The following TDRD1 variants were observed in gnomAD, a reference collection of about 807,000 sequenced individuals.
TDRD1 encodes the protein tudor domain containing 1.
In TDRD1, 37 loss-of-function variants were observed where a neutral mutation model predicts 140.6. The ratio of observed to expected loss-of-function variants is 0.26; its 90% CI spans 0.20 to 0.35. The LOEUF is 0.35. Among genes scored for constraint, TDRD1 ranks in the 10% least tolerant of loss-of-function variants. The pLI is 1.00. For synonymous variants in TDRD1, 506 were observed against 475.7 expected (o/e 1.06, Z -0.83); for missense variants, 1,243 against 1,393.0 (o/e 0.89, Z 1.71).
intron 2 of TDRD1, 124 bp from the exon 3 acceptor site, chr10:114,190,837 G>A: frequency 1.1e-6 from 1 of 878,774 alleles, no homozygotes; most frequent in Non-Finnish European, 1.8e-6. Flanking sequence ...ATGTTCTGGT[G>A]TAGCTATAAG....
rs183780213 is a variant in TDRD1, at chr10:114,227,814, C to T, written c.3404-96C>T. 8,009 of 937,096 alleles carry T rather than the reference C, an allele frequency of 8.5e-3. 71 individuals carry two copies. Among genetic ancestry groups the T allele is most frequent in the Non-Finnish European group, 0.011 (6,431 of 586,496 alleles). 58.0% of individuals were successfully genotyped at this position (937,096 alleles called of 1,614,324 possible). A position where few individuals can be genotyped will look rare whatever the true frequency, so the allele number is the denominator to read the frequency against. ...CAGGTCTTTGTAGTCGGAACCCATG[C>T]GCAAGGGGGAGAGCTATCTGTATAT... is the stretch of plus-strand genomic sequence containing the variant. On this transcript the variant is annotated intron_variant, in intron 23 of 25. Coordinates refer to ENST00000251864, the Ensembl canonical transcript of TDRD1.
At chr10:114,192,751 A>G (rs149959913) in intron 3 of TDRD1, among the ~76,000 whole-genome samples, 6 of 152,272 alleles carry the variant, frequency 3.9e-5, no homozygotes, top group East Asian at 1.9e-4. Flanking sequence ...CCAAAATTCA[A>G]TTGGACATAT....
At chr10:114,176,221 TACA>T (rs948677007), upstream of TDRD1, among the ~76,000 whole-genome samples, 14 of 150,654 alleles carry the variant, frequency 9.3e-5, no homozygotes, top group Non-Finnish European at 1.9e-4. This position sits in a 1 kb window ranked among gnomAD's most constrained non-coding sequence, Gnocchi z 4.2. Context: ...TCTGAAATGC[TACA>T]ATAGAGAAGC....
At chr10:114,214,738 T>C (rs1379332343) in intron 16 of TDRD1, among the ~76,000 whole-genome samples, 3 of 140,266 alleles carry the variant, frequency 2.1e-5, no homozygotes, top group African/African-American at 7.8e-5. Flanking sequence ...TCTTTCTTTC[T>C]TTTTTTTTTT....
chr10:114,177,564 A>G (rs1206961873), upstream of TDRD1, among the ~76,000 whole-genome samples: 1 of 152,232 alleles, frequency 6.6e-6, no homozygotes. Flanking sequence ...ACAAAGTCTA[A>G]GGAAGTCCCA....
chr10:114,210,621 C>T, exon 12 of TDRD1: 1 of 1,606,284 alleles, frequency 6.2e-7, no homozygotes, highest in Non-Finnish European at 8.5e-7. Context: ...CTGAAAACAA[C>T]ATTGTCGTAG....
At chr10:114,202,344 G>C in intron 6 of TDRD1, 46 bp downstream of exon 6, 1 of 1,276,396 alleles carries the variant, frequency 7.8e-7, no homozygotes, top group Non-Finnish European at 1.1e-6. Context: ...CCTCTTTATT[G>C]AATTAAGATG....
At chr10:114,190,319 T>C (rs1324477596) in intron 2 of TDRD1, among the ~76,000 whole-genome samples, 2 of 152,212 alleles carry the variant, frequency 1.3e-5, no homozygotes, top group African/African-American at 2.4e-5. Context: ...ACAGTAAATA[T>C]TGATTGAAAT....
chr10:114,191,935 T>G (rs1002474799), intron 3 of TDRD1, among the ~76,000 whole-genome samples: 2 of 152,224 alleles, frequency 1.3e-5, no homozygotes, highest in African/African-American at 4.8e-5. Context: ...TAGTACTATC[T>G]CATTGTGGTT....
rs556757844 is a variant in TDRD1 at position 114,212,879 on chromosome 10, G to A, written c.1832-467G>A. ...CTTACTGAGTTGTACAAACATCACC[G>A]TAATCTGATTTAGAACATTTCCATC... is the stretch of plus-strand genomic sequence containing the variant. On this transcript the variant is annotated intron_variant, in intron 14 of 25. Transcript: ENST00000251864. Among the ~76,000 whole-genome samples, 18 of 152,200 alleles carry A rather than the reference G, an allele frequency of 1.2e-4. No individual in the cohort carries two copies. In the East Asian group the frequency reaches 1.9e-3, roughly 16 times the overall value.
At chr10:114,203,681 C>A in intron 8 of TDRD1, 114 bp downstream of exon 8, 1 of 912,528 alleles carries the variant, frequency 1.1e-6, no homozygotes, top group Non-Finnish European at 1.6e-6. Context: ...CCTCTGATCA[C>A]GCTTCTATTC....
rs531413206 is a variant in TDRD1, at chr10:114,224,084, G to C, written c.3007+1381G>C. The stretch of plus-strand genomic sequence containing the variant: ...CCTTTTGATTTACTCCAGTATTTGG[G>C]TGGATCCTGTCCTCCAGAAGCTGAG... On this transcript the variant is annotated intron_variant, in intron 21 of 25. Transcript: ENST00000251864. 3.3e-5 allele frequency among the ~76,000 whole-genome samples: 5 copies of C among 152,246 alleles called. No individual in the cohort carries two copies. The East Asian group carries it at 9.6e-4, about 29-fold the overall frequency.
intron 1 of TDRD1, among the ~76,000 whole-genome samples, chr10:114,183,386 C>A (rs974969262): frequency 1.3e-5 from 2 of 152,126 alleles, no homozygotes; most frequent in African/African-American, 4.8e-5. Flanking sequence ...GATGATACTT[C>A]AGTCTTAAAA....
chr10:114,223,685 C>T (rs1406686066), intron 21 of TDRD1, among the ~76,000 whole-genome samples: 3 of 152,244 alleles, frequency 2.0e-5, no homozygotes, highest in Non-Finnish European at 4.4e-5. Flanking sequence ...ATTAGGACTG[C>T]ATAAGCACTG....
At chr10:114,198,972 C>T (rs1317310607) in intron 3 of TDRD1, among the ~76,000 whole-genome samples, 1 of 152,196 alleles carries the variant, frequency 6.6e-6, no homozygotes. Context: ...CTCCAGGTTC[C>T]CAGTCAGCCC....
intron 11 of TDRD1, 61 bp from the exon 12 acceptor site, chr10:114,210,519 TA>T (rs777163012): frequency 1.2e-5 from 17 of 1,439,228 alleles, no homozygotes; most frequent in African/African-American, 2.9e-5. Flanking sequence ...AAAGCGTGCA[TA>T]ATTTTTTTTT....
intron 25 of TDRD1, among the ~76,000 whole-genome samples, chr10:114,229,052 G>A (rs1291109178): frequency 2.0e-5 from 3 of 151,738 alleles, no homozygotes; most frequent in African/African-American, 7.3e-5. Flanking sequence ...TTATACTCCA[G>A]CCTGGGTGAC....
rs1021180389 is a variant in TDRD1 at position 114,228,120 on chromosome 10, T to G, written c.3533T>G (p.Leu1178Ter). Residue 1178 changes from leucine to a stop codon, truncating the protein, a stop_gained, in exon 25 of 26, where the codon TTA becomes TGA. Coordinates refer to ENST00000251864, the Ensembl canonical transcript of TDRD1. LOFTEE classifies it high-confidence loss of function. ...AAATTTATTGAAATGAAAAAACTGT[T>G]AAAAAGTTAAGTAAGTTAAATCGTA... 4.4e-6 allele frequency: 7 copies of G among 1,588,150 alleles called. No homozygotes were observed. The Admixed American group carries it at 5.2e-5, about 12-fold the overall frequency.
intron 1 of TDRD1, chr10:114,179,701 G>A (rs1288593507): frequency 1.3e-5 from 2 of 152,136 alleles, no homozygotes; most frequent in Non-Finnish European, 2.9e-5. Context: ...CAGTGCCTTC[G>A]TTTGACTAAA....
Sources: gnomAD v4.1 joint callset for allele counts (sites outside exome capture counted in the v4.1 genomes callset) on GRCh38, gnomAD v4.1.1 for gene constraint, Gnocchi (gnomAD v3.1) non-coding constraint, MANE v1.5 for transcripts, NCBI Gene and HGNC (gene_info 2026-07-23, HGNC 2026-07-21) for gene names.